GRM1: variants seen among roughly 807,000 people sequenced by gnomAD.
The protein encoded by GRM1 is glutamate metabotropic receptor 1.
In GRM1, 33 loss-of-function variants were observed where a neutral mutation model predicts 90.9. The observed-to-expected ratio is 0.36, with a 90% CI of 0.28 to 0.49. The LOEUF (loss-of-function observed/expected upper bound fraction) is 0.49. Ranked by LOEUF, GRM1 falls within the 20% of genes least tolerant of loss-of-function variation. The pLI is 0.99. For synonymous variants in GRM1, 700 were observed against 613.2 expected (o/e 1.14, Z -2.09); for missense variants, 1,190 against 1,534.3 (o/e 0.78, Z 3.75).
chr6:146,388,427 G>T (rs1011234287), intron 6 of GRM1, among the ~76,000 whole-genome samples: 1 of 151,938 alleles, frequency 6.6e-6, no homozygotes, highest in Admixed American at 6.6e-5. Flanking sequence ...AAATCATGCA[G>T]TTTATTCAGA....
At chr6:146,146,439 A>C (rs1777106181) in intron 1 of GRM1, among the ~76,000 whole-genome samples, 1 of 152,056 alleles carries the variant, frequency 6.6e-6, no homozygotes, top group Admixed American at 6.6e-5. Flanking sequence ...ATGTTCCCAG[A>C]TGAAATTCTA....
rs537061796 is a variant in GRM1, at chr6:146,277,196, A to G, written c.951-27415A>G. On this transcript the variant is annotated intron_variant, in intron 2 of 7. Transcript: ENST00000282753. ...TGATTGTTTGCATAGTGAATTCTGT[A>G]ATATGAGTGTGTGCTCAGGAAAGGG... Among the ~76,000 whole-genome samples the G allele has an allele frequency of 1.2e-3, 188 of 152,328 alleles. No homozygotes were observed. In the Middle Eastern group the frequency reaches 0.014, roughly 11 times the overall value.
chr6:146,314,511 T>C (rs899990907), intron 3 of GRM1, among the ~76,000 whole-genome samples: 2 of 152,218 alleles, frequency 1.3e-5, no homozygotes, highest in Non-Finnish European at 2.9e-5. Context: ...CATAAGCATA[T>C]TCTTTCATTT....
intron 2 of GRM1, among the ~76,000 whole-genome samples, chr6:146,242,323 A>G (rs1780894870): frequency 6.6e-6 from 1 of 152,148 alleles, no homozygotes. Flanking sequence ...GTCTGCTTTC[A>G]AAGCCCAAAA....
chr6:146,405,521 C>T (rs1489453716), intron 7 of GRM1, among the ~76,000 whole-genome samples: 1 of 152,176 alleles, frequency 6.6e-6, no homozygotes, highest in Admixed American at 6.5e-5. Context: ...TATTTTCTCA[C>T]AGTTCCGGAG....
At chr6:146,028,232 A>AGTGTGTGTGTGTGTGT (rs60190108), upstream of GRM1, among the ~76,000 whole-genome samples, 1 of 130,284 alleles carries the variant, frequency 7.7e-6, no homozygotes, top group African/African-American at 2.9e-5. Context: ...AGTGGAAGGG[A>AGTGTGTGTGTGTGTGT]GTGTGTGTGT....
chr6:146,311,822 A>G lies in GRM1; in HGVS notation c.1186+6976A>G, dbSNP rs181498760. On this transcript the variant is annotated intron_variant, in intron 3 of 7. Transcript: ENST00000282753. ...GTTTTACATAGCATGATAGGTAACA[A>G]TACTTTGTTAATGTGCTGTTTTGAT... 6.5e-4 allele frequency among the ~76,000 whole-genome samples: 99 copies of G among 152,264 alleles called. 1 individual carries two copies. Among genetic ancestry groups the G allele is most frequent in the African/African-American group, 2.3e-3 (95 of 41,508 alleles).
chr6:146,382,234 A>T (rs1776342313), intron 5 of GRM1, among the ~76,000 whole-genome samples: 1 of 151,742 alleles, frequency 6.6e-6, no homozygotes, highest in Non-Finnish European at 1.5e-5. Flanking sequence ...AAGAAATATC[A>T]GTTACTATGA....
intron 1 of GRM1, among the ~76,000 whole-genome samples, chr6:146,158,992 G>T (rs1777613690): frequency 6.6e-6 from 1 of 152,172 alleles, no homozygotes; most frequent in African/African-American, 2.4e-5. Context: ...TTCTCTTCAT[G>T]CTCCTTTGAC....
chr6:146,260,193 T>C (rs145036100), intron 2 of GRM1, among the ~76,000 whole-genome samples: 15 of 151,982 alleles, frequency 9.9e-5, no homozygotes, highest in Admixed American at 9.8e-4. Flanking sequence ...CAGTGTGTGA[T>C]GTTCACCTCC....
rs371280264 is a variant in GRM1 at position 146,284,511 on chromosome 6, G to T, written c.951-20100G>T. On this transcript the variant is annotated intron_variant, in intron 2 of 7. Coordinates refer to ENST00000282753, the MANE Select transcript of GRM1 (RefSeq NM_001278064.2). ...AATTTTAATCTATGTATATGATATGGCTTGGCTCTGTGTCCCCACCCAAAT... is the reference window on the plus strand; with the variant it reads ...AATTTTAATCTATGTATATGATATGTCTTGGCTCTGTGTCCCCACCCAAAT... Among the ~76,000 whole-genome samples, 22 of 152,248 alleles carry T rather than the reference G, an allele frequency of 1.4e-4. 1 individual carries two copies. The highest frequency in any genetic ancestry group is 5.3e-4 in the African/African-American group (22 of 41,528).
intron 1 of GRM1, among the ~76,000 whole-genome samples, chr6:146,070,669 T>C (rs1334678743): frequency 1.3e-5 from 2 of 152,088 alleles, no homozygotes; most frequent in African/African-American, 2.4e-5. Flanking sequence ...ATATATAAAA[T>C]TAAGAGGTAG....
At chr6:146,429,844 TTCTTACGCGAAGG>T (rs1369930343) in intron 7 of GRM1, among the ~76,000 whole-genome samples, 1 of 152,220 alleles carries the variant, frequency 6.6e-6, no homozygotes, top group African/African-American at 2.4e-5. Flanking sequence ...GAGCCTCTCT[TTCTTACGCGAAGG>T]TCTTGCATTA....
chr6:146,140,549 A>G (rs1200430025), intron 1 of GRM1, among the ~76,000 whole-genome samples: 3 of 152,286 alleles, frequency 2.0e-5, no homozygotes, highest in Admixed American at 2.0e-4. Flanking sequence ...GATTATAGGC[A>G]TGAGCCGCCA....
chr6:146,313,167 T>A (rs779859850), intron 3 of GRM1, among the ~76,000 whole-genome samples: 2 of 152,216 alleles, frequency 1.3e-5, no homozygotes, highest in African/African-American at 2.4e-5. Context: ...ACAGTTACTA[T>A]TTTATCTTTT....
intron 2 of GRM1, among the ~76,000 whole-genome samples, chr6:146,196,112 T>C (rs1779106212): frequency 3.9e-5 from 6 of 152,172 alleles, no homozygotes; most frequent in Admixed American, 3.9e-4. Flanking sequence ...TGCATGATAA[T>C]GGAGAAAACC....
intron 2 of GRM1, among the ~76,000 whole-genome samples, chr6:146,176,923 T>C (rs1778359186): frequency 6.6e-6 from 1 of 152,230 alleles, no homozygotes; most frequent in Admixed American, 6.5e-5. Context: ...TCTAAAGTGA[T>C]ACCAATATTA....
chr6:146,130,857 C>T (rs1039640969), intron 1 of GRM1, among the ~76,000 whole-genome samples: 4 of 152,090 alleles, frequency 2.6e-5, no homozygotes, highest in Admixed American at 2.0e-4. Context: ...AATATATGCA[C>T]GAAAATTTAT....
At chr6:146,331,548 A>G (rs1316299733) in intron 3 of GRM1, among the ~76,000 whole-genome samples, 1 of 152,178 alleles carries the variant, frequency 6.6e-6, no homozygotes, top group African/African-American at 2.4e-5. Flanking sequence ...TAAACCTGTC[A>G]TAAGCAAGGG....
Sources: gnomAD v4.1 joint callset for allele counts (sites outside exome capture counted in the v4.1 genomes callset) on GRCh38, gnomAD v4.1.1 for gene constraint, MANE v1.5 for transcripts, NCBI Gene and HGNC (gene_info 2026-07-23, HGNC 2026-07-21) for gene names.